MYLK: variants seen among roughly 807,000 people sequenced by gnomAD.
The protein encoded by MYLK is myosin light chain kinase, smooth muscle.
Under a neutral mutation model 203.4 loss-of-function variants are expected in MYLK, and 106 were observed. The ratio of observed to expected loss-of-function variants is 0.52; its 90% confidence interval spans 0.45 to 0.61. MYLK has a LOEUF of 0.61. Ranked by LOEUF, MYLK falls within the 20% of genes least tolerant of loss-of-function variation. The pLI is 0.00. For missense variants in MYLK, 2,072 were observed against 2,442.3 expected (o/e 0.85, Z 3.20); for synonymous variants, 867 against 959.5 (o/e 0.90, Z 1.78).
rs1386210293 is a variant in MYLK, at chr3:123,640,504, G to A, written c.4620C>T (p.Ile1540=). The A allele has an allele frequency of 8.7e-6, 14 of 1,613,894 alleles. No homozygotes were observed. The highest frequency in any genetic ancestry group is 2.7e-5 in the African/African-American group (2 of 75,032). The stretch of plus-strand genomic sequence containing the variant: ...GCTCAAACAGCTCCCCTCCTGACAC[G>A]CTGCGGGAACACGTGCACGGGGTGG... The part of the protein sequence containing the change: ...EKANIVMVLE[I]VSGGELFERI... The change falls in exon 28 of 34, where the codon ATC becomes ATT. Residue 1540 remains isoleucine (I), a splice_region_variant and synonymous_variant. Transcript: ENST00000360304. The surrounding 1 kb of genome is among the most constrained non-coding windows in gnomAD (Gnocchi z 4.3).
chr3:123,708,016 A>G lies in MYLK; in HGVS notation c.2141-13T>C, dbSNP rs2061529258. ...CCATCGTGAGGCTCTGGAAATTGGC[A>G]AAGGGCAGAGCTAAACAGGGATGTC... On this transcript the variant is annotated splice_polypyrimidine_tract_variant and intron_variant, in intron 15 of 33. Coordinates refer to ENST00000360304, the MANE Select transcript of MYLK (RefSeq NM_053025.4). 1 of 1,613,800 alleles carries G rather than the reference A, an allele frequency of 6.2e-7. No individual in the cohort carries two copies. The highest frequency in any genetic ancestry group is 1.7e-5 in the Admixed American group (1 of 59,998).
rs1425805417 is a variant in MYLK, at chr3:123,640,876, C to G, written c.4620-372G>C. Among the ~76,000 whole-genome samples, 1 of 152,234 alleles carries G rather than the reference C, an allele frequency of 6.6e-6. No individual in the cohort carries two copies. Among genetic ancestry groups the G allele is most frequent in the Non-Finnish European group, 1.5e-5 (1 of 68,038 alleles). ...ATGCCTAAGGGAACATTCTTGTACT[C>G]TAGCCGTGTCTTTTAGTCACAGGGA... On this transcript the variant is annotated intron_variant, in intron 27 of 33. Transcript: ENST00000360304. The surrounding 1 kb of genome is among the most constrained non-coding windows in gnomAD (Gnocchi z 4.3).
At chr3:123,726,105 C>T (rs372641505) in intron 11 of MYLK, 27 bp from the exon 12 acceptor site, 2 of 1,613,544 alleles carry the variant, frequency 1.2e-6, no homozygotes, top group African/African-American at 1.3e-5. Context: ...CAGGTCAGCT[C>T]AGATCACAGC....
At chr3:123,666,993 G>A (rs2059756558) in intron 21 of MYLK, 144 bp downstream of exon 21, 4 of 774,464 alleles carry the variant, frequency 5.2e-6, no homozygotes, top group Non-Finnish European at 6.8e-6. Context: ...CCTGAAAAAT[G>A]CAGAGCTGGA....
intron 33 of MYLK, 56 bp downstream of exon 33, chr3:123,618,583 C>G: frequency 6.2e-7 from 1 of 1,610,780 alleles, no homozygotes; most frequent in Non-Finnish European, 8.5e-7. Flanking sequence ...ATGGTAGGGA[C>G]TCTACCATCC....
chr3:123,806,826 C>T (rs1245828841), intron 3 of MYLK, among the ~76,000 whole-genome samples: 3 of 151,928 alleles, frequency 2.0e-5, no homozygotes, highest in African/African-American at 7.3e-5. Flanking sequence ...CTACACCTGG[C>T]TAATTTTTTT....
At chr3:123,677,918 T>TATACACACAC (rs1273803739) in intron 20 of MYLK, among the ~76,000 whole-genome samples, 1 of 78,918 alleles carries the variant, frequency 1.3e-5, no homozygotes, top group African/African-American at 6.1e-5. Context: ...TATATATATA[T>TATACACACAC]ACACACACAC....
intron 2 of MYLK, among the ~76,000 whole-genome samples, chr3:123,863,530 T>G (rs1031130980): frequency 1.3e-5 from 2 of 152,114 alleles, no homozygotes; most frequent in Admixed American, 6.5e-5. Context: ...CAATTCAAAT[T>G]TTTAAATGGG....
Position 123,788,559 on chromosome 3 carries a change from C to T in MYLK, c.165+5118G>A, listed in dbSNP as rs373544210. On this transcript the variant is annotated intron_variant, in intron 4 of 33. Transcript: ENST00000360304. ...CCCCTCCCCCCACCCCACAACAGTC[C>T]CCAGAGTGTGATGTTCCCCTTCCTG... Among the ~76,000 whole-genome samples the T allele has an allele frequency of 8.2e-4, 108 of 132,296 alleles. 1 individual carries two copies. The East Asian group carries it at 0.021, about 26-fold the overall frequency. 86.8% of individuals were successfully genotyped at this position (132,296 alleles called of 152,430 possible).
intron 2 of MYLK, among the ~76,000 whole-genome samples, chr3:123,843,949 C>T (rs1367881224): frequency 2.0e-5 from 3 of 152,178 alleles, no homozygotes; most frequent in Admixed American, 2.0e-4. Context: ...AAGGAACTCA[C>T]TGAACCTCAA....
intron 13 of MYLK, chr3:123,716,004 A>T (rs1352134836): frequency 1.3e-5 from 2 of 152,212 alleles, no homozygotes; most frequent in Non-Finnish European, 2.9e-5. Flanking sequence ...ATTACAATGC[A>T]AAATGCCATT....
At chr3:123,728,839 T>C (rs1249827177) in intron 11 of MYLK, among the ~76,000 whole-genome samples, 2 of 152,178 alleles carry the variant, frequency 1.3e-5, no homozygotes, top group Non-Finnish European at 2.9e-5. Flanking sequence ...GACTCCATTT[T>C]CCGGGTTGTC....
At chr3:123,730,172 G>A (rs1283182374) in intron 11 of MYLK, among the ~76,000 whole-genome samples, 1 of 152,142 alleles carries the variant, frequency 6.6e-6, no homozygotes, top group Non-Finnish European at 1.5e-5. Context: ...AGGTTACAGT[G>A]AGCTATTATC....
intron 19 of MYLK, among the ~76,000 whole-genome samples, chr3:123,687,012 A>G (rs774969579): frequency 2.6e-4 from 39 of 152,186 alleles, no homozygotes; most frequent in Non-Finnish European, 4.6e-4. Flanking sequence ...ACCTGAGGTC[A>G]GGAGTTTGAG....
chr3:123,701,720 A>C (rs2061237290), intron 16 of MYLK, among the ~76,000 whole-genome samples: 1 of 152,244 alleles, frequency 6.6e-6, no homozygotes, highest in Non-Finnish European at 1.5e-5. Context: ...AAGAAGAAGA[A>C]AAAAAGAATG....
chr3:123,822,755 T>C lies in MYLK; in HGVS notation c.-4+8793A>G, dbSNP rs116438071. Among the ~76,000 whole-genome samples the C allele has an allele frequency of 5.8e-3, 884 of 152,308 alleles. 10 individuals carry two copies. The highest frequency in any genetic ancestry group is 0.02 in the African/African-American group (832 of 41,564). ...CTTCTACTCAGAGTTGGGATATCAG[T>C]AGCCTCTTCTGCCTAGGAAGGGACT... On this transcript the variant is annotated intron_variant, in intron 3 of 33. Transcript: ENST00000360304.
At chr3:123,647,120 C>T (rs1348504205) in intron 27 of MYLK, 104 bp downstream of exon 27, 2 of 1,020,020 alleles carry the variant, frequency 2.0e-6, no homozygotes, top group Non-Finnish European at 3.0e-6. Context: ...CTCCTGTCTG[C>T]AGTGCTTTCC....
chr3:123,770,884 C>T (rs1027755646), intron 4 of MYLK, among the ~76,000 whole-genome samples: 1 of 152,156 alleles, frequency 6.6e-6, no homozygotes, highest in African/African-American at 2.4e-5. Flanking sequence ...AATGCCTCAA[C>T]AACCAAATGG....
chr3:123,678,562 T>C (rs1295079264), intron 20 of MYLK, among the ~76,000 whole-genome samples: 1 of 150,650 alleles, frequency 6.6e-6, no homozygotes, highest in Non-Finnish European at 1.5e-5. Context: ...ATCTATTTGA[T>C]GAAAAAATCA....
Sources: gnomAD v4.1 joint callset for allele counts (sites outside exome capture counted in the v4.1 genomes callset) on GRCh38, gnomAD v4.1.1 for gene constraint, Gnocchi (gnomAD v3.1) non-coding constraint, MANE v1.5 for transcripts, NCBI Gene and HGNC (gene_info 2026-07-23, HGNC 2026-07-21) for gene names.